The following EPHX2 variants were observed in gnomAD, a reference collection of about 807,000 sequenced individuals.
The protein encoded by EPHX2 is bifunctional epoxide hydrolase 2.
Under a neutral mutation model 78.7 loss-of-function variants are expected in EPHX2, and 74 were observed. That is an observed-to-expected ratio of 0.94 (90% CI 0.78 to 1.14). EPHX2 has a LOEUF of 1.14. Among genes scored for constraint, EPHX2 ranks in the 50% most tolerant of loss-of-function variants. The probability of loss-of-function intolerance (pLI) is 0.00; values close to 1 mark genes in which losing one functional copy is unlikely to be tolerated. For missense variants in EPHX2, 715 were observed against 702.5 expected, an observed-to-expected ratio of 1.02 and a Z score of -0.20; for synonymous variants, 251 against 255.2, an observed-to-expected ratio of 0.98 and a Z score of 0.16.
chr8:27,523,715 T>TA (rs1563354435), intron 11 of EPHX2, among the ~76,000 whole-genome samples: 2 of 152,154 alleles, frequency 1.3e-5, no homozygotes, highest in Non-Finnish European at 2.9e-5. Context: ...TTAAATTTTT[T>TA]AAAAAAATTT....
intron 15 of EPHX2, 83 bp from the exon 16 acceptor site, chr8:27,541,390 G>A: frequency 7.1e-7 from 1 of 1,416,858 alleles, no homozygotes; most frequent in Non-Finnish European, 1.0e-6. Flanking sequence ...ACGACTGGCT[G>A]TGCAGAGCAG....
chr8:27,536,953 C>A, intron 13 of EPHX2, 98 bp downstream of exon 13: 1 of 1,292,442 alleles, frequency 7.7e-7, no homozygotes, highest in Admixed American at 2.4e-5. Context: ...GCAATCTGGC[C>A]TCCTTTTCTT....
intron 5 of EPHX2, among the ~76,000 whole-genome samples, chr8:27,508,823 C>T (rs1814120116): frequency 2.0e-5 from 3 of 151,900 alleles, no homozygotes; most frequent in South Asian, 2.1e-4. Flanking sequence ...TGTACACTGT[C>T]GTGCAGTCAT....
chr8:27,523,819 C>T (rs557053242), intron 11 of EPHX2, among the ~76,000 whole-genome samples: 10 of 152,202 alleles, frequency 6.6e-5, no homozygotes, highest in African/African-American at 2.4e-4. Flanking sequence ...TTCTTAAGAA[C>T]TGGGTTCACC....
At chr8:27,497,534 A>G (rs553596106) in intron 1 of EPHX2, among the ~76,000 whole-genome samples, 4 of 152,144 alleles carry the variant, frequency 2.6e-5, no homozygotes, top group African/African-American at 7.2e-5. Flanking sequence ...CTTGGTCCCT[A>G]TTGTAGAACA....
rs779867120 is a variant in EPHX2 at position 27,505,121 on chromosome 8, A to T, written c.512A>T (p.Asp171Val). Reference sequence around the variant, plus strand: ...CCTCAGATCTACAAGTTTCTGCTGGACACCCTGAAGGCCAGCCCCAGTGAG... The same window carrying T: ...CCTCAGATCTACAAGTTTCTGCTGGTCACCCTGAAGGCCAGCCCCAGTGAG... ...PEPQIYKFLLDTLKASPSEVV... is the reference protein window; with the variant it reads ...PEPQIYKFLLVTLKASPSEVV... Residue 171 changes from aspartate to valine, a missense_variant, in exon 4 of 19, where the codon GAC becomes GTC. Asp to Val is a radical substitution (Grantham distance 152). Transcript: ENST00000521400. 1 of 1,614,100 alleles carries T rather than the reference A, an allele frequency of 6.2e-7. No homozygotes were observed.
Position 27,543,736 on chromosome 8 carries a change from G to A in EPHX2, c.1450-13G>A, listed in dbSNP as rs756367189. 6.2e-7 allele frequency: 1 copy of A among 1,613,576 alleles called. No homozygotes were observed. The highest frequency in any genetic ancestry group is 1.3e-5 in the African/African-American group (1 of 74,836). On this transcript the variant is annotated splice_polypyrimidine_tract_variant and intron_variant, in intron 16 of 18. Coordinates refer to ENST00000521400, the MANE Select transcript of EPHX2 (RefSeq NM_001979.6). The stretch of plus-strand genomic sequence containing the variant: ...GGAGTGCTGGCCACTTCTGTTTCCT[G>A]TTCTCCCCCCAGATCCTGATTCCGG...
chr8:27,492,417 A>T (rs1032903998), intron 1 of EPHX2, among the ~76,000 whole-genome samples: 1 of 152,154 alleles, frequency 6.6e-6, no homozygotes, highest in Admixed American at 6.5e-5. Flanking sequence ...GCTAAGGCAG[A>T]AGGATTGCCT....
chr8:27,493,905 T>C (rs1563336019), intron 1 of EPHX2, among the ~76,000 whole-genome samples: 11 of 152,064 alleles, frequency 7.2e-5, no homozygotes, highest in Non-Finnish European at 1.5e-5. Flanking sequence ...TATTTTCCCA[T>C]TGGAGAAAAA....
chr8:27,511,130 G>A (rs1478895484), intron 5 of EPHX2, among the ~76,000 whole-genome samples: 2 of 152,208 alleles, frequency 1.3e-5, no homozygotes, highest in Admixed American at 6.5e-5. Flanking sequence ...CCAGAACTGT[G>A]AGGAAATAAA....
At chr8:27,518,135 CT>C in intron 9 of EPHX2, 63 bp downstream of exon 9, 1 of 1,401,714 alleles carries the variant, frequency 7.1e-7, no homozygotes, top group Non-Finnish European at 9.8e-7. Flanking sequence ...AAACCCGAAG[CT>C]GGGGTATCCA....
intron 14 of EPHX2, among the ~76,000 whole-genome samples, chr8:27,539,745 C>T (rs1308242670): frequency 6.6e-6 from 1 of 152,222 alleles, no homozygotes; most frequent in Non-Finnish European, 1.5e-5. Context: ...GCAGAGGGGC[C>T]CTGAGGTACA....
intron 16 of EPHX2, among the ~76,000 whole-genome samples, chr8:27,542,276 G>A (rs1815426439): frequency 6.6e-6 from 1 of 152,182 alleles, no homozygotes; most frequent in Non-Finnish European, 1.5e-5. Context: ...AGGCACTAGA[G>A]TATATAACAT....
intron 6 of EPHX2, among the ~76,000 whole-genome samples, chr8:27,513,699 C>T (rs1164210838): frequency 6.6e-6 from 1 of 152,128 alleles, no homozygotes; most frequent in African/African-American, 2.4e-5. Context: ...AAAGGACATG[C>T]GTTTGCTGGG....
At chr8:27,516,124 C>A (rs1256644238) in intron 7 of EPHX2, among the ~76,000 whole-genome samples, 196 bp from the exon 8 acceptor site, 3 of 152,200 alleles carry the variant, frequency 2.0e-5, no homozygotes, top group Admixed American at 6.5e-5. Context: ...TGTGGCATTT[C>A]TCCCGTGCCC....
rs1304705004 is a variant in EPHX2, at chr8:27,536,807, A to T, written c.1194A>T (p.Glu398Asp). Residue 398 changes from glutamate to aspartate, a missense_variant, in exon 13 of 19, where the codon GAA becomes GAT. By Grantham distance (45) the Glu-to-Asp change is conservative. Coordinates refer to ENST00000521400, the MANE Select transcript of EPHX2 (RefSeq NM_001979.6). ...QEPGVAEAEL[E>D]QNLSRTFKSL... ...AGGGAGTGGCTGAGGCTGAACTGGA[A>T]CAGAACCTGAGTCGGACTTTCAAAA... is the stretch of plus-strand genomic sequence containing the variant. 6.2e-7 allele frequency: 1 copy of T among 1,613,370 alleles called. No homozygotes were observed.
chr8:27,499,188 A>ATG (rs1293670713), intron 1 of EPHX2, among the ~76,000 whole-genome samples: 2 of 152,208 alleles, frequency 1.3e-5, no homozygotes, highest in Non-Finnish European at 1.5e-5. Flanking sequence ...TAATCCATCC[A>ATG]TGAAGGTGGA....
chr8:27,500,837 G>C (rs1813738107), intron 1 of EPHX2, 89 bp from the exon 2 acceptor site: 3 of 1,190,718 alleles, frequency 2.5e-6, no homozygotes, highest in South Asian at 1.4e-5. Context: ...TCTAGTGGCT[G>C]CTTCTCAATG....
At chr8:27,520,986 C>G in intron 10 of EPHX2, 77 bp downstream of exon 10, 2 of 1,589,532 alleles carry the variant, frequency 1.3e-6, no homozygotes, top group Non-Finnish European at 1.7e-6. Flanking sequence ...GCGTCAGCCT[C>G]GAGCAGAGGT....
Sources: allele counts gnomAD v4.1 joint callset (sites outside exome capture counted in the v4.1 genomes callset), GRCh38; gene constraint gnomAD v4.1.1; transcripts MANE v1.5; gene names NCBI Gene and HGNC (gene_info 2026-07-23, HGNC 2026-07-21).